Variants in TMPRSS5 observed in about 807,000 individuals in gnomAD.
The protein encoded by TMPRSS5 is transmembrane serine protease 5, also known as transmembrane protease serine 5.
TMPRSS5 carries 45 observed loss-of-function variants against 59.7 expected under a neutral mutation model. The observed-to-expected ratio is 0.75, with a 90% CI of 0.59 to 0.97. TMPRSS5 has a LOEUF of 0.97. Among genes scored for constraint, TMPRSS5 ranks in the 50% least tolerant of loss-of-function variants. The pLI, the probability that TMPRSS5 is intolerant of heterozygous loss-of-function variation, is 0.00. For synonymous variants in TMPRSS5, 225 were observed against 232.0 expected, an observed-to-expected ratio of 0.97 and a Z score of 0.27; for missense variants, 585 against 596.7, an observed-to-expected ratio of 0.98 and a Z score of 0.20.
Position 113,700,057 on chromosome 11 carries a change from C to G in TMPRSS5, c.106+9G>C. The stretch of plus-strand genomic sequence containing the variant: ...CCCTGTCATTCCCCTATGGCCCAGT[C>G]TGGCCTACTGGGATGCTGCTGGTCT... On this transcript the variant is annotated intron_variant, in intron 2 of 12. Transcript: ENST00000299882. 1.3e-6 allele frequency: 2 copies of G among 1,558,114 alleles called. No homozygotes were observed. Among genetic ancestry groups the G allele is most frequent in the Non-Finnish European group, 1.7e-6 (2 of 1,150,432 alleles).
At chr11:113,699,813 G>A in intron 2 of TMPRSS5, 120 bp from the exon 3 acceptor site, 3 of 1,375,906 alleles carry the variant, frequency 2.2e-6, no homozygotes, top group Non-Finnish European at 3.0e-6. Flanking sequence ...ACCTCCTCCT[G>A]CCCCATCAGC....
intron 1 of TMPRSS5, 90 bp downstream of exon 1, chr11:113,706,132 C>G (rs1473427583): frequency 6.7e-7 from 1 of 1,490,656 alleles, no homozygotes; most frequent in African/African-American, 1.4e-5. Flanking sequence ...GAGGCTCTTT[C>G]CACCAGCCTA....
chr11:113,695,291 C>G, intron 7 of TMPRSS5, 109 bp downstream of exon 7: 2 of 1,240,298 alleles, frequency 1.6e-6, no homozygotes, highest in Non-Finnish European at 2.3e-6. Context: ...TGGGCAAGAC[C>G]CCTACCCCAG....
At chr11:113,695,492 G>A in intron 6 of TMPRSS5, 49 bp from the exon 7 acceptor site, 1 of 1,590,958 alleles carries the variant, frequency 6.3e-7, no homozygotes, top group African/African-American at 1.3e-5. Flanking sequence ...CCGCCCTGCA[G>A]CCACACACAT....
At chr11:113,697,631 C>T (rs1174964443) in intron 4 of TMPRSS5, among the ~76,000 whole-genome samples, 1 of 152,126 alleles carries the variant, frequency 6.6e-6, no homozygotes, top group East Asian at 1.9e-4. Context: ...CTATTTTAAC[C>T]ATGTGTTTTT....
In TMPRSS5 at chr11:113,689,633, C is replaced by T. The variant is rs1371582846; in HGVS notation, c.1359+132G>A. The T allele has an allele frequency of 4.4e-6, 4 of 899,686 alleles. No homozygotes were observed. In the East Asian group the frequency reaches 1.1e-4, roughly 25 times the overall value. 55.7% of individuals were successfully genotyped at this position (899,686 alleles called of 1,614,324 possible). ...TGTTTAAGCTTCACTTCTTCCTCCA[C>T]TCACTCTGGGGAATATGTCCTAGCA... is the stretch of plus-strand genomic sequence containing the variant. On this transcript the variant is annotated intron_variant, in intron 12 of 12. Transcript: ENST00000299882.
At position 113,699,013 on chromosome 11, in the gene TMPRSS5, G is replaced by C. The variant is rs779197319; in HGVS notation, c.220C>G (p.Pro74Ala). Residue 74 changes from proline (P) to alanine (A), a missense_variant, in exon 4 of 13, where the codon CCT becomes GCT. Coordinates refer to ENST00000299882, the MANE Select transcript of TMPRSS5 (RefSeq NM_030770.4). ...GSWLLVLYLC[P>A]AASQPISGTL... ...CCGGAAATGGGCTGAGAGGCAGCAG[G>C]ACACAGATACAGCACTTTAGAGAAG... is the stretch of plus-strand genomic sequence containing the variant. 6.2e-7 allele frequency: 1 copy of C among 1,611,642 alleles called. No homozygotes were observed. Among genetic ancestry groups the C allele is most frequent in the Non-Finnish European group, 8.5e-7 (1 of 1,179,082 alleles).
rs1166704375 is a variant in TMPRSS5, at chr11:113,706,244, G to A, written c.-20C>T. The A allele has an allele frequency of 2.5e-6, 4 of 1,600,930 alleles. No homozygotes were observed. The South Asian group carries it at 4.5e-5, about 18-fold the overall frequency. On this transcript the variant is annotated 5_prime_UTR_variant, in exon 1 of 13. Transcript: ENST00000299882. Reference sequence around the variant, plus strand: ...TACCATAGGGGTCAGTGGCACTGTTGTAAAGCCTCAGGGTCTACTAGGCAA... The same window carrying A: ...TACCATAGGGGTCAGTGGCACTGTTATAAAGCCTCAGGGTCTACTAGGCAA...
chr11:113,694,650 G>A lies in TMPRSS5; in HGVS notation c.623-10C>T, dbSNP rs897680149. The A allele has an allele frequency of 4.6e-6, 7 of 1,533,562 alleles. No individual in the cohort carries two copies. The highest frequency in any genetic ancestry group is 1.4e-5 in the African/African-American group (1 of 71,780). The allele number at this position is 1,533,562 out of a possible 1,614,324, so 95.0% of individuals were successfully genotyped here. A position where few individuals can be genotyped will look rare whatever the true frequency, so the allele number is the denominator to read the frequency against. On this transcript the variant is annotated splice_polypyrimidine_tract_variant and intron_variant, in intron 7 of 12. Coordinates refer to ENST00000299882, the MANE Select transcript of TMPRSS5 (RefSeq NM_030770.4). Reference sequence around the variant, plus strand: ...GGCCTCGCTCCACACTCTGCCAACAGAGATGGGTGAGATAGAAAGAGAGAG... The same window carrying A: ...GGCCTCGCTCCACACTCTGCCAACAAAGATGGGTGAGATAGAAAGAGAGAG...
chr11:113,697,188 A>C, intron 5 of TMPRSS5, 95 bp downstream of exon 5: 1 of 1,503,264 alleles, frequency 6.7e-7, no homozygotes, highest in Non-Finnish European at 9.0e-7. Context: ...TTTCCTGAGC[A>C]CATTGACCAG....
In TMPRSS5 at chr11:113,690,883, G is replaced by T. The variant is rs367586238; in HGVS notation, c.1021C>A (p.Arg341=). The change falls in exon 10 of 13, where the codon CGG becomes AGG. Residue 341 remains arginine, a synonymous_variant. Coordinates refer to ENST00000299882, the MANE Select transcript of TMPRSS5 (RefSeq NM_030770.4). ...TGGCCCCAGCCAGACACCCAGCACC[G>T]CGAGCCCTTCGGAAAATGCTGTTCC... The part of the protein sequence containing the change: ...AKEQHFPKGS[R]CWVSGWGHTH... 183 of 1,597,400 alleles carry T rather than the reference G, an allele frequency of 1.1e-4. 5 individuals carry two copies. The South Asian group carries it at 1.3e-3, about 11-fold the overall frequency.
intron 4 of TMPRSS5, among the ~76,000 whole-genome samples, chr11:113,698,332 A>C (rs1952986607): frequency 6.6e-6 from 1 of 152,178 alleles, no homozygotes; most frequent in South Asian, 2.1e-4. Context: ...TTGTGCAGTA[A>C]ATATTTATAT....
chr11:113,693,214 T>C lies in TMPRSS5; in HGVS notation c.821A>G (p.His274Arg), dbSNP rs1313115344. ...GGCACTGTGGCTGACCAGCCCCGCA[T>C]GAACCCGCCAGCTGGACAGGCGGGC... is the stretch of plus-strand genomic sequence containing the variant. ...RLARLSSWRVHAGLVSHSAVR... is the reference protein window; with the variant it reads ...RLARLSSWRVRAGLVSHSAVR... The change falls in exon 9 of 13, where the codon CAT becomes CGT. Residue 274 changes from histidine to arginine, a missense_variant. Physicochemically the swap from His to Arg is conservative, Grantham distance 29. Coordinates refer to ENST00000299882, the MANE Select transcript of TMPRSS5 (RefSeq NM_030770.4). 2.5e-6 allele frequency: 4 copies of C among 1,586,216 alleles called. No individual in the cohort carries two copies. The highest frequency in any genetic ancestry group is 3.4e-6 in the Non-Finnish European group (4 of 1,164,806).
intron 1 of TMPRSS5, among the ~76,000 whole-genome samples, chr11:113,701,024 CT>C (rs1432799369): frequency 1.3e-5 from 2 of 152,246 alleles, no homozygotes; most frequent in Non-Finnish European, 2.9e-5. Flanking sequence ...GACATGTTTG[CT>C]TCCCCTTCTG....
intron 11 of TMPRSS5, 55 bp downstream of exon 11, chr11:113,690,176 G>GCCCCCCCCACCCCCCCCCCCCCACC: frequency 2.6e-6 from 1 of 388,230 alleles, no homozygotes; most frequent in Non-Finnish European, 4.2e-6. Context: ...CAGGCCCCCT[G>GCCCCCCCCACCCCCCCCCCCCCACC]CCCTCCCACC....
At chr11:113,698,428 T>C (rs1952989075) in intron 4 of TMPRSS5, among the ~76,000 whole-genome samples, 1 of 152,192 alleles carries the variant, frequency 6.6e-6, no homozygotes, top group South Asian at 2.1e-4. Context: ...AACCTTATTC[T>C]AATGAGGTTA....
rs189524834 is a variant in TMPRSS5, at chr11:113,694,785, G to A, written c.623-145C>T. The A allele has an allele frequency of 3.3e-5, 28 of 843,492 alleles. No homozygotes were observed. In the East Asian group the frequency reaches 7.0e-4, roughly 21 times the overall value. 52.3% of individuals were successfully genotyped at this position (843,492 alleles called of 1,614,324 possible). A position where few individuals can be genotyped will look rare whatever the true frequency, so the allele number is the denominator to read the frequency against. On this transcript the variant is annotated intron_variant, in intron 7 of 12. Transcript: ENST00000299882. ...TTCTTATTCCTGGTCCTAAGTATGG[G>A]GGATGGGAAGGTAGAAGTGTTGATT...
chr11:113,702,302 C>A (rs1953161612), intron 1 of TMPRSS5, among the ~76,000 whole-genome samples: 1 of 152,122 alleles, frequency 6.6e-6, no homozygotes, highest in East Asian at 1.9e-4. Context: ...TCAGTATATA[C>A]ACAGTAATGG....
Position 113,697,332 on chromosome 11 carries a change from A to G in TMPRSS5, c.415T>C (p.Trp139Arg), listed in dbSNP as rs753882012. The change falls in exon 5 of 13, where the codon TGG becomes CGG. Residue 139 changes from tryptophan to arginine, a missense_variant. Transcript: ENST00000299882. ...ATCTGCAGCCCCAGGGCGGGGCTCC[A>G]GCCCTCATGGCAGACCAGGAGCCAG... The part of the protein sequence containing the change: ...PRWLLVCHEG[W>R]SPALGLQICW... 1.2e-5 allele frequency: 20 copies of G among 1,613,650 alleles called. No individual in the cohort carries two copies. The highest frequency in any genetic ancestry group is 1.7e-5 in the Non-Finnish European group (20 of 1,179,666).
Sources: allele counts gnomAD v4.1 joint callset (sites outside exome capture counted in the v4.1 genomes callset), GRCh38; gene constraint gnomAD v4.1.1; transcripts MANE v1.5; gene names NCBI Gene and HGNC (gene_info 2026-07-23, HGNC 2026-07-21).